The following VPS35L variants were observed in gnomAD, a reference collection of about 807,000 sequenced individuals.
VPS35L encodes the protein VPS35 endosomal protein sorting factor like, also known as VPS35 endosomal protein-sorting factor-like.
In VPS35L, 83 loss-of-function variants were observed where a neutral mutation model predicts 133.0. The observed-to-expected ratio is 0.62, with a 90% confidence interval of 0.52 to 0.75. The LOEUF (loss-of-function observed/expected upper bound fraction) is 0.75. Among genes scored for constraint, VPS35L ranks in the 30% least tolerant of loss-of-function variants. VPS35L has a pLI of 0.00. For synonymous variants in VPS35L, 423 were observed against 449.9 expected, an observed-to-expected ratio of 0.94 and a Z score of 0.76; for missense variants, 1,083 against 1,206.8, an observed-to-expected ratio of 0.90 and a Z score of 1.52.
intron 28 of VPS35L, among the ~76,000 whole-genome samples, chr16:19,688,378 C>G (rs1975537721): frequency 6.6e-6 from 1 of 152,150 alleles, no homozygotes; most frequent in Admixed American, 6.6e-5. Context: ...GCGAGAAAAG[C>G]ACAACAAATC....
chr16:19,627,364 A>C (rs1163921160), intron 15 of VPS35L, among the ~76,000 whole-genome samples: 1 of 152,114 alleles, frequency 6.6e-6, no homozygotes, highest in Non-Finnish European at 1.5e-5. Context: ...TCGTTACTTA[A>C]TGTTCTGTCT....
At chr16:19,570,864 TA>T (rs1971348593) in intron 3 of VPS35L, among the ~76,000 whole-genome samples, 18 of 86,196 alleles carry the variant, frequency 2.1e-4, no homozygotes, top group East Asian at 6.2e-4. Context: ...TATATATATA[TA>T]TATATATATA....
chr16:19,640,814 C>T (rs1414746098), intron 21 of VPS35L, among the ~76,000 whole-genome samples: 3 of 152,188 alleles, frequency 2.0e-5, no homozygotes, highest in Non-Finnish European at 1.5e-5. Context: ...GGCACAATTA[C>T]GGTTCACTGC....
chr16:19,581,786 C>G, intron 7 of VPS35L, 133 bp downstream of exon 7: 1 of 1,058,400 alleles, frequency 9.4e-7, no homozygotes, highest in Non-Finnish European at 1.4e-6. Context: ...TCATATACTT[C>G]CTGTGAAAAG....
At chr16:19,692,396 T>C (rs1975724617) in intron 29 of VPS35L, among the ~76,000 whole-genome samples, 1 of 152,160 alleles carries the variant, frequency 6.6e-6, no homozygotes, top group Non-Finnish European at 1.5e-5. Flanking sequence ...TGTGTTTATT[T>C]CCATTGAATG....
rs141651229 is a variant in VPS35L at position 19,559,801 on chromosome 16, T to C, written c.17+4055T>C. On this transcript the variant is annotated intron_variant, in intron 1 of 30. Transcript: ENST00000417362. ...TCCCGGGTTCAAGCAATTCTCGTGCTTCAGCCTCCCGAGTATCTGGGATTA... is the reference window on the plus strand; with the variant it reads ...TCCCGGGTTCAAGCAATTCTCGTGCCTCAGCCTCCCGAGTATCTGGGATTA... 2.2e-3 allele frequency among the ~76,000 whole-genome samples: 332 copies of C among 152,224 alleles called. 1 individual carries two copies. The highest frequency in any genetic ancestry group is 7.1e-3 in the African/African-American group (295 of 41,554).
At position 19,628,651 on chromosome 16, in the gene VPS35L, A is replaced by G. The variant is rs1362671828; in HGVS notation, c.1398A>G (p.Arg466=). Residue 466 remains arginine (R), a synonymous_variant, in exon 17 of 31, where the codon CGA becomes CGG. Coordinates refer to ENST00000417362, the MANE Select transcript of VPS35L (RefSeq NM_020314.7). Reference sequence around the variant, plus strand: ...ATGTTTCTTAGCATCTTCTTTTTCGATCACTGGGATTAAACTTGGCCTTGG... The same window carrying G: ...ATGTTTCTTAGCATCTTCTTTTTCGGTCACTGGGATTAAACTTGGCCTTGG... ...ESGFPKHLLF[R]SLGLNLALAD... 2.5e-6 allele frequency: 4 copies of G among 1,577,430 alleles called. No homozygotes were observed. Among genetic ancestry groups the G allele is most frequent in the East Asian group, 2.3e-5 (1 of 44,132 alleles).
At chr16:19,686,889 C>A (rs915139587) in intron 28 of VPS35L, among the ~76,000 whole-genome samples, 4 of 152,120 alleles carry the variant, frequency 2.6e-5, no homozygotes, top group Non-Finnish European at 4.4e-5. Flanking sequence ...TTTTAGTATC[C>A]CATGATCCCC....
At chr16:19,570,838 T>TAC (rs1971343400) in intron 3 of VPS35L, among the ~76,000 whole-genome samples, 1 of 2,438 alleles carries the variant, frequency 4.1e-4, no homozygotes. Context: ...GTGTTTCATA[T>TAC]ATATATATAT....
chr16:19,632,746 C>T (rs1405493027), intron 18 of VPS35L, among the ~76,000 whole-genome samples: 5 of 152,226 alleles, frequency 3.3e-5, no homozygotes, highest in African/African-American at 7.2e-5. Flanking sequence ...TGCAGTCTTC[C>T]GCAGTGCTTC....
At chr16:19,568,991 A>C (rs1439987054) in intron 2 of VPS35L, among the ~76,000 whole-genome samples, 1 of 152,154 alleles carries the variant, frequency 6.6e-6, no homozygotes, top group Non-Finnish European at 1.5e-5. Context: ...GGCAAAAAAA[A>C]AGTACCTGGT....
intron 28 of VPS35L, among the ~76,000 whole-genome samples, chr16:19,689,081 C>T (rs1318081057): frequency 6.7e-6 from 1 of 149,848 alleles, no homozygotes; most frequent in Non-Finnish European, 1.5e-5. Flanking sequence ...ACTCTGTCGC[C>T]AGGCTGGAGT....
At position 19,579,044 on chromosome 16, in the gene VPS35L, C is replaced by T. The variant is rs770615313; in HGVS notation, c.434-8C>T. 1.2e-6 allele frequency: 2 copies of T among 1,613,786 alleles called. No homozygotes were observed. Among genetic ancestry groups the T allele is most frequent in the Non-Finnish European group, 1.7e-6 (2 of 1,179,922 alleles). On this transcript the variant is annotated splice_polypyrimidine_tract_variant and splice_region_variant and intron_variant, in intron 5 of 30. Transcript: ENST00000417362. The stretch of plus-strand genomic sequence containing the variant: ...GCCACCTGTGTGACGTAAATTCATT[C>T]TGTTTAGGCAAAGCTGGGACTGCCA...
intron 3 of VPS35L, among the ~76,000 whole-genome samples, chr16:19,570,878 TA>T (rs1971356480): frequency 2.0e-4 from 15 of 76,396 alleles, no homozygotes; most frequent in Admixed American, 7.5e-4. Context: ...TATATATATA[TA>T]TATATATATA....
At chr16:19,593,737 T>C (rs2151530308) in intron 8 of VPS35L, among the ~76,000 whole-genome samples, 1 of 152,058 alleles carries the variant, frequency 6.6e-6, no homozygotes, top group East Asian at 1.9e-4. Context: ...GCCAACATGG[T>C]GAAACCCCGT....
chr16:19,569,349 GA>G, intron 2 of VPS35L, 74 bp from the exon 3 acceptor site: 3 of 1,528,646 alleles, frequency 2.0e-6, no homozygotes, highest in Admixed American at 3.4e-5. Flanking sequence ...AGAATGGGAG[GA>G]AAGTACCCAC....
rs555217258 is a variant in VPS35L, at chr16:19,691,183, T to C, written c.2528-170T>C. Among the ~76,000 whole-genome samples, 21 of 152,252 alleles carry C rather than the reference T, an allele frequency of 1.4e-4. No individual in the cohort carries two copies. In the South Asian group the frequency reaches 3.5e-3, roughly 26 times the overall value. On this transcript the variant is annotated intron_variant, in intron 28 of 30. Coordinates refer to ENST00000417362, the MANE Select transcript of VPS35L (RefSeq NM_020314.7). The stretch of plus-strand genomic sequence containing the variant: ...TGTCCTGCAGGCTGGGTGTTTTCTT[T>C]GTGATTCCCAAGGCCCCAAGCCCAG...
chr16:19,674,184 C>CTTTTTCTTTTTTTTT (rs1555507022), intron 27 of VPS35L, among the ~76,000 whole-genome samples: 2 of 70,906 alleles, frequency 2.8e-5, no homozygotes, highest in African/African-American at 1.3e-4. Context: ...TTTTCTTTTT[C>CTTTTTCTTTTTTTTT]TTTTTTTTTT....
chr16:19,586,740 T>C (rs1372275284), intron 7 of VPS35L, among the ~76,000 whole-genome samples: 1 of 152,208 alleles, frequency 6.6e-6, no homozygotes, highest in Non-Finnish European at 1.5e-5. Context: ...GTCATGAAGA[T>C]TTTTTTGTTT....
Sources: allele counts gnomAD v4.1 joint callset (sites outside exome capture counted in the v4.1 genomes callset), GRCh38; gene constraint gnomAD v4.1.1; transcripts MANE v1.5; gene names NCBI Gene and HGNC (gene_info 2026-07-23, HGNC 2026-07-21).